Variants in KIAA1549L observed in about 807,000 individuals in gnomAD.
KIAA1549L encodes the protein UPF0606 protein KIAA1549L.
A neutral mutation model predicts 160.7 loss-of-function variants in KIAA1549L; 88 were observed. The ratio of observed to expected loss-of-function variants is 0.55; its 90% CI spans 0.46 to 0.65. The LOEUF (loss-of-function observed/expected upper bound fraction) is 0.65. KIAA1549L is among the 30% of genes least tolerant of loss of function. The pLI, the probability that KIAA1549L is intolerant of heterozygous loss-of-function variation, is 0.00. For synonymous variants in KIAA1549L, 950 were observed against 976.7 expected (o/e 0.97, Z 0.51); for missense variants, 2,258 against 2,437.5 (o/e 0.93, Z 1.55).
intron 7 of KIAA1549L, among the ~76,000 whole-genome samples, chr11:33,560,287 A>C (rs1854809060): frequency 6.6e-6 from 1 of 152,086 alleles, no homozygotes; most frequent in African/African-American, 2.4e-5. Flanking sequence ...CAAGATACCC[A>C]CTCTCACTTA....
At chr11:33,567,324 TAC>T (rs1257423756) in intron 8 of KIAA1549L, among the ~76,000 whole-genome samples, 2 of 152,236 alleles carry the variant, frequency 1.3e-5, no homozygotes, top group Non-Finnish European at 2.9e-5. Flanking sequence ...GGCTGTGATG[TAC>T]ACTTTCTTAT....
Position 33,376,560 on chromosome 11 carries a change from C to T in KIAA1549L, c.-92C>T, listed in dbSNP as rs929175783. On this transcript the variant is annotated 5_prime_UTR_variant, in exon 1 of 21. Coordinates refer to ENST00000658780, the MANE Select transcript of KIAA1549L (RefSeq NM_012194.3). The surrounding 1 kb of genome is among the most constrained non-coding windows in gnomAD (Gnocchi z 5.8). ...CTCCCTCCGGCGCCCGGGCCGTGGC[C>T]GGCGATGCCCGGTGAGGACCGGGGC... is the stretch of plus-strand genomic sequence containing the variant. The T allele has an allele frequency of 2.0e-5, 3 of 148,728 alleles. No individual in the cohort carries two copies. The highest frequency in any genetic ancestry group is 7.3e-5 in the African/African-American group (3 of 40,922). 9.2% of individuals were successfully genotyped at this position (148,728 alleles called of 1,614,324 possible).
chr11:33,614,185 C>G (rs536491271), intron 15 of KIAA1549L, among the ~76,000 whole-genome samples: 1 of 152,204 alleles, frequency 6.6e-6, no homozygotes, highest in South Asian at 2.1e-4. Flanking sequence ...TTTCTAGTTT[C>G]TATATTTGAT....
At chr11:33,605,644 C>T (rs1420941160) in intron 13 of KIAA1549L, among the ~76,000 whole-genome samples, 1 of 152,122 alleles carries the variant, frequency 6.6e-6, no homozygotes, top group African/African-American at 2.4e-5. Flanking sequence ...CTATGTGTTT[C>T]TCAATAATTT....
At chr11:33,550,948 T>C in intron 4 of KIAA1549L, 92 bp from the exon 5 acceptor site, 1 of 1,017,976 alleles carries the variant, frequency 9.8e-7, no homozygotes, top group Non-Finnish European at 1.6e-6. Context: ...TCCAGTCTTG[T>C]TTCTAACAGC....
chr11:33,569,197 T>C (rs911481483), intron 9 of KIAA1549L, among the ~76,000 whole-genome samples: 2 of 152,168 alleles, frequency 1.3e-5, no homozygotes, highest in Non-Finnish European at 2.9e-5. Flanking sequence ...TTCTAAACCT[T>C]TCTAGAAACT....
Position 33,593,235 on chromosome 11 carries a change from A to G in KIAA1549L, c.4751+1814A>G, listed in dbSNP as rs550719352. Among the ~76,000 whole-genome samples the G allele has an allele frequency of 3.3e-5, 5 of 152,264 alleles. No homozygotes were observed. In the South Asian group the frequency reaches 8.3e-4, roughly 25 times the overall value. ...ACTTGAAGCCAGGAGCTTGAGACCA[A>G]CGTGGGCAACCAAGCAAGACCTCGT... is the stretch of plus-strand genomic sequence containing the variant. On this transcript the variant is annotated intron_variant, in intron 12 of 20. Coordinates refer to ENST00000658780, the MANE Select transcript of KIAA1549L (RefSeq NM_012194.3).
At chr11:33,414,527 G>A (rs1437721419) in intron 1 of KIAA1549L, among the ~76,000 whole-genome samples, 1 of 152,060 alleles carries the variant, frequency 6.6e-6, no homozygotes, top group Non-Finnish European at 1.5e-5. Flanking sequence ...TGGAATAGAG[G>A]TACTGGATCA....
Position 33,530,426 on chromosome 11 carries a change from AAAAAAAAAAAATATATATAT to A in KIAA1549L, c.239-11374_239-11355del, listed in dbSNP as rs1418086186. ...AAAGAAGAAGAAGGAAAAAAAAAAA[AAAAAAAAAAAATATATATAT>A]ATATATATATATATATATATATATA... On this transcript the variant is annotated intron_variant, in intron 1 of 20. Coordinates refer to ENST00000658780, the MANE Select transcript of KIAA1549L (RefSeq NM_012194.3). 4.4e-4 allele frequency among the ~76,000 whole-genome samples: 29 copies of A among 65,512 alleles called. 5 individuals are homozygous for A. The highest frequency in any genetic ancestry group is 1.7e-3 in the African/African-American group (22 of 12,710). The allele number at this position is 65,512 out of a possible 152,430, so 43.0% of individuals were successfully genotyped here. A position where few individuals can be genotyped will look rare whatever the true frequency, so the allele number is the denominator to read the frequency against.
At position 33,612,206 on chromosome 11, in the gene KIAA1549L, G is replaced by C. The variant is rs185783918; in HGVS notation, c.5279+2240G>C. Reference sequence around the variant, plus strand: ...ACAGAAAAAAGAGAGTGACAACCTCGGTAAGCTCAGAGGTATTATTCTTGA... The same window carrying C: ...ACAGAAAAAAGAGAGTGACAACCTCCGTAAGCTCAGAGGTATTATTCTTGA... On this transcript the variant is annotated intron_variant, in intron 15 of 20. Coordinates refer to ENST00000658780, the MANE Select transcript of KIAA1549L (RefSeq NM_012194.3). Among the ~76,000 whole-genome samples, 33 of 152,294 alleles carry C rather than the reference G, an allele frequency of 2.2e-4. No individual in the cohort carries two copies. In the East Asian group the frequency reaches 6.2e-3, roughly 28 times the overall value.
At chr11:33,575,515 C>T (rs959857527) in intron 10 of KIAA1549L, among the ~76,000 whole-genome samples, 1 of 152,208 alleles carries the variant, frequency 6.6e-6, no homozygotes, top group African/African-American at 2.4e-5. Context: ...CTCATTGGGG[C>T]AGTGTTTACT....
At position 33,645,865 on chromosome 11, in the gene KIAA1549L, C is replaced by T. The variant is rs377155389; in HGVS notation, c.5589C>T (p.Ser1863=). ...MLLEEAFSLA[S]AGHAGQSRHQ... ...TGGAGGAGGCCTTCAGCCTGGCATCCGCGGGCCACGCAGGCCAGAGCCGGC... is the reference window on the plus strand; with the variant it reads ...TGGAGGAGGCCTTCAGCCTGGCATCTGCGGGCCACGCAGGCCAGAGCCGGC... Residue 1863 remains serine (S), a synonymous_variant, in exon 17 of 21, where the codon TCC becomes TCT. Transcript: ENST00000658780. 79 of 1,613,732 alleles carry T rather than the reference C, an allele frequency of 4.9e-5. No homozygotes were observed. Among genetic ancestry groups the T allele is most frequent in the Non-Finnish European group, 5.7e-5 (67 of 1,179,886 alleles).
At chr11:33,636,965 C>G (rs796550589) in intron 16 of KIAA1549L, among the ~76,000 whole-genome samples, 1 of 152,076 alleles carries the variant, frequency 6.6e-6, no homozygotes, top group African/African-American at 2.4e-5. Flanking sequence ...GTGGAGAGTA[C>G]CAGGAGCTTC....
intron 17 of KIAA1549L, among the ~76,000 whole-genome samples, chr11:33,652,398 G>A (rs990042346): frequency 5.3e-5 from 8 of 152,106 alleles, no homozygotes; most frequent in African/African-American, 7.2e-5. Context: ...CTGGGGCCCC[G>A]AGGATACAGC....
chr11:33,448,275 G>C (rs776438118), intron 1 of KIAA1549L, among the ~76,000 whole-genome samples: 7 of 152,164 alleles, frequency 4.6e-5, no homozygotes, highest in South Asian at 2.1e-4. Context: ...AACTCCACTA[G>C]TGGATAGATT....
intron 1 of KIAA1549L, among the ~76,000 whole-genome samples, chr11:33,472,615 T>C (rs2133029878): frequency 6.6e-6 from 1 of 152,260 alleles, no homozygotes; most frequent in South Asian, 2.1e-4. Flanking sequence ...TTACAGAGGC[T>C]CCTGTCTCTG....
chr11:33,389,599 C>G (rs2134045165), intron 1 of KIAA1549L, among the ~76,000 whole-genome samples: 1 of 152,236 alleles, frequency 6.6e-6, no homozygotes, highest in South Asian at 2.1e-4. Context: ...GCTGGTGAAC[C>G]CTACGGAAAC....
At chr11:33,507,461 A>G (rs1853118544) in intron 1 of KIAA1549L, among the ~76,000 whole-genome samples, 2 of 152,212 alleles carry the variant, frequency 1.3e-5, no homozygotes, top group Admixed American at 1.3e-4. Context: ...TCTTTCTGGC[A>G]AAGAGTTTCC....
At chr11:33,561,626 A>G in intron 7 of KIAA1549L, 50 bp from the exon 8 acceptor site, 2 of 1,377,970 alleles carry the variant, frequency 1.5e-6, no homozygotes, top group Non-Finnish European at 2.1e-6. Flanking sequence ...AATGAAACGA[A>G]ACAAATCAAA....
Sources: gnomAD v4.1 joint callset for allele counts (sites outside exome capture counted in the v4.1 genomes callset) on GRCh38, gnomAD v4.1.1 for gene constraint, Gnocchi (gnomAD v3.1) non-coding constraint, MANE v1.5 for transcripts, NCBI Gene and HGNC (gene_info 2026-07-23, HGNC 2026-07-21) for gene names.